Variants in TAFA4 observed in about 807,000 individuals in gnomAD.
The protein encoded by TAFA4 is chemokine-like protein TAFA-4.
In TAFA4, 20 loss-of-function variants were observed where a neutral mutation model predicts 21.1. That is an observed-to-expected ratio of 0.95 (90% CI 0.67 to 1.38). The LOEUF is 1.38. TAFA4 is among the 40% of genes most tolerant of loss of function. TAFA4 has a pLI of 0.00. For missense variants in TAFA4, 211 were observed against 180.9 expected (o/e 1.17, Z -0.95); for synonymous variants, 71 against 67.4 (o/e 1.05, Z -0.26).
chr3:68,807,296 G>C (rs1195320342), intron 3 of TAFA4, among the ~76,000 whole-genome samples: 3 of 152,214 alleles, frequency 2.0e-5, no homozygotes, highest in African/African-American at 7.2e-5. Flanking sequence ...AATAGAAGCT[G>C]AAGCTGATAG....
intron 5 of TAFA4, among the ~76,000 whole-genome samples, chr3:68,736,175 C>G (rs1251444814): frequency 1.3e-5 from 2 of 151,992 alleles, no homozygotes; most frequent in East Asian, 1.9e-4. Context: ...AGATATCATA[C>G]CCTTGTTAGA....
chr3:68,764,621 T>A (rs1702814160), intron 3 of TAFA4, among the ~76,000 whole-genome samples: 1 of 152,296 alleles, frequency 6.6e-6, no homozygotes, highest in South Asian at 2.1e-4. Flanking sequence ...CCTAATTCAT[T>A]TTCGATCACT....
At chr3:68,870,256 T>A (rs144341249) in intron 3 of TAFA4, among the ~76,000 whole-genome samples, 1 of 152,068 alleles carries the variant, frequency 6.6e-6, no homozygotes, top group African/African-American at 2.4e-5. Flanking sequence ...ATTAATATTG[T>A]TAAAATGTCA....
At position 68,850,049 on chromosome 3, in the gene TAFA4, A is replaced by G. The variant is rs140828874; in HGVS notation, c.130+30681T>C. Among the ~76,000 whole-genome samples, 62 of 152,332 alleles carry G rather than the reference A, an allele frequency of 4.1e-4. 1 individual carries two copies. The highest frequency in any genetic ancestry group is 1.4e-3 in the African/African-American group (57 of 41,588). Reference sequence around the variant, plus strand: ...TTTGGCTTGCCAGTTGCCATTTACCATTGAGTTGCAAAATTGCCTCTTTTC... The same window carrying G: ...TTTGGCTTGCCAGTTGCCATTTACCGTTGAGTTGCAAAATTGCCTCTTTTC... On this transcript the variant is annotated intron_variant, in intron 3 of 5. Transcript: ENST00000295569.
rs80164357 is a variant in TAFA4, at chr3:68,800,719, T to C, written c.131-47701A>G. On this transcript the variant is annotated intron_variant, in intron 3 of 5. Coordinates refer to ENST00000295569, the MANE Select transcript of TAFA4 (RefSeq NM_182522.5). The stretch of plus-strand genomic sequence containing the variant: ...GAATGGGGAGGCCACTCTTGAAGAA[T>C]TTCATTAAGGCACGTTTGAAAGCTT... 6.5e-3 allele frequency among the ~76,000 whole-genome samples: 987 copies of C among 152,304 alleles called. 11 individuals carry two copies. Among genetic ancestry groups the C allele is most frequent in the African/African-American group, 0.022 (931 of 41,562 alleles).
At chr3:68,847,173 C>T (rs933057111) in intron 3 of TAFA4, among the ~76,000 whole-genome samples, 5 of 152,216 alleles carry the variant, frequency 3.3e-5, no homozygotes, top group Non-Finnish European at 7.3e-5. Context: ...TATCTATAAG[C>T]CCCTGACTTG....
chr3:68,815,868 A>T (rs1409138970), intron 3 of TAFA4, among the ~76,000 whole-genome samples: 1 of 152,218 alleles, frequency 6.6e-6, no homozygotes, highest in African/African-American at 2.4e-5. Flanking sequence ...ATGCACACAT[A>T]TGTTTATTGT....
At chr3:68,750,147 G>A (rs1433550817) in intron 4 of TAFA4, among the ~76,000 whole-genome samples, 1 of 152,126 alleles carries the variant, frequency 6.6e-6, no homozygotes, top group African/African-American at 2.4e-5. Context: ...ATAAAGGAAT[G>A]GTGGCCAGGT....
chr3:68,889,122 A>G (rs887674354), intron 1 of TAFA4, among the ~76,000 whole-genome samples: 1 of 152,212 alleles, frequency 6.6e-6, no homozygotes, highest in Non-Finnish European at 1.5e-5. Flanking sequence ...ATGATGAAAG[A>G]CATTGCCCAT....
At chr3:68,908,266 A>C (rs182146594) in intron 1 of TAFA4, among the ~76,000 whole-genome samples, 1 of 152,196 alleles carries the variant, frequency 6.6e-6, no homozygotes, top group East Asian at 1.9e-4. Context: ...AAAGGTTACA[A>C]AGCTGATAAG....
intron 1 of TAFA4, among the ~76,000 whole-genome samples, chr3:68,888,738 G>T (rs1421756176): frequency 2.6e-5 from 4 of 151,116 alleles, no homozygotes; most frequent in African/African-American, 7.3e-5. Context: ...GAGTGCTCAA[G>T]AGAGGGAGAA....
intron 3 of TAFA4, among the ~76,000 whole-genome samples, chr3:68,797,490 G>T (rs1394752247): frequency 6.6e-6 from 1 of 151,798 alleles, no homozygotes; most frequent in Non-Finnish European, 1.5e-5. Flanking sequence ...GCACACACCT[G>T]TAGGACCAGC....
At chr3:68,795,001 T>TACACACACACACACACAC (rs3048125) in intron 3 of TAFA4, among the ~76,000 whole-genome samples, 7 of 144,072 alleles carry the variant, frequency 4.9e-5, no homozygotes, top group African/African-American at 1.3e-4. Context: ...TGTGTCTCAA[T>TACACACACACACACACAC]ACACACACAC....
rs1336275369 is a variant in TAFA4, at chr3:68,732,248, G to A, written c.*894C>T. ...AACTCATTTACAGTCTAAAAATTCAGCACTGAAAGACTCCTGTCTCGGAGT... is the reference window on the plus strand; with the variant it reads ...AACTCATTTACAGTCTAAAAATTCAACACTGAAAGACTCCTGTCTCGGAGT... On this transcript the variant is annotated 3_prime_UTR_variant, in exon 6 of 6. Transcript: ENST00000295569. 6.6e-6 allele frequency: 1 copy of A among 152,418 alleles called. No homozygotes were observed. The highest frequency in any genetic ancestry group is 1.5e-5 in the Non-Finnish European group (1 of 67,982). 9.4% of individuals were successfully genotyped at this position (152,418 alleles called of 1,614,324 possible).
intron 3 of TAFA4, among the ~76,000 whole-genome samples, chr3:68,846,664 C>T (rs925361374): frequency 1.4e-4 from 21 of 152,198 alleles, no homozygotes; most frequent in African/African-American, 4.8e-4. Flanking sequence ...ATTTATCTAC[C>T]ATTGGTCTTT....
At chr3:68,817,195 C>G (rs1703999072) in intron 3 of TAFA4, among the ~76,000 whole-genome samples, 1 of 152,192 alleles carries the variant, frequency 6.6e-6, no homozygotes, top group South Asian at 2.1e-4. Flanking sequence ...GTCATTTCAA[C>G]AATGTTCACA....
At chr3:68,773,625 G>T (rs1460913887) in intron 3 of TAFA4, among the ~76,000 whole-genome samples, 1 of 152,088 alleles carries the variant, frequency 6.6e-6, no homozygotes, top group East Asian at 1.9e-4. Flanking sequence ...GACTCACTGA[G>T]TCACCTCAGT....
chr3:68,907,896 T>C (rs2089919978), intron 1 of TAFA4, among the ~76,000 whole-genome samples: 1 of 152,232 alleles, frequency 6.6e-6, no homozygotes, highest in South Asian at 2.1e-4. Context: ...CAGACTGCTG[T>C]AATGCATTAT....
chr3:68,734,299 C>A (rs1480369604), intron 5 of TAFA4, among the ~76,000 whole-genome samples: 1 of 152,128 alleles, frequency 6.6e-6, no homozygotes, highest in Non-Finnish European at 1.5e-5. Flanking sequence ...TGGATTTGGC[C>A]TGTAAGCCAC....
Sources: gnomAD v4.1 joint callset for allele counts (sites outside exome capture counted in the v4.1 genomes callset) on GRCh38, gnomAD v4.1.1 for gene constraint, MANE v1.5 for transcripts, NCBI Gene and HGNC (gene_info 2026-07-23, HGNC 2026-07-21) for gene names.